Variants in CPNE1 observed in about 807,000 individuals in gnomAD.
CPNE1 encodes the protein copine 1.
In CPNE1, 58 loss-of-function variants were observed where a neutral mutation model predicts 63.2. That is an observed-to-expected ratio of 0.92 (90% CI 0.74 to 1.14). The LOEUF is 1.14. CPNE1 is among the 50% of genes most tolerant of loss of function. The pLI, the probability that CPNE1 is intolerant of heterozygous loss-of-function variation, is 0.00. For synonymous variants in CPNE1, 237 were observed against 249.0 expected (o/e 0.95, Z 0.45); for missense variants, 672 against 661.7 (o/e 1.02, Z -0.17).
chr20:35,648,157 A>C (rs1288193761), intron 1 of CPNE1, among the ~76,000 whole-genome samples: 10 of 152,186 alleles, frequency 6.6e-5, no homozygotes, highest in Non-Finnish European at 1.2e-4. Context: ...AGTCACTGTA[A>C]CATCAGAGAA....
chr20:35,657,785 G>A (rs2033985988), intron 1 of CPNE1, among the ~76,000 whole-genome samples: 1 of 152,184 alleles, frequency 6.6e-6, no homozygotes, highest in Admixed American at 6.5e-5. Flanking sequence ...CCGCAGCCAG[G>A]TGCGGTGGCT....
chr20:35,659,605 A>C (rs976046016), intron 1 of CPNE1, among the ~76,000 whole-genome samples: 1 of 152,252 alleles, frequency 6.6e-6, no homozygotes, highest in African/African-American at 2.4e-5. Flanking sequence ...CAAAATATTA[A>C]GGGAAAGTGT....
intron 1 of CPNE1, among the ~76,000 whole-genome samples, chr20:35,636,190 T>C (rs1052780030): frequency 1.3e-5 from 2 of 152,166 alleles, no homozygotes; most frequent in Non-Finnish European, 2.9e-5. Context: ...CTTCTGACCA[T>C]CCTGATCACT....
chr20:35,658,568 G>A (rs1443875328), intron 1 of CPNE1, among the ~76,000 whole-genome samples: 1 of 152,052 alleles, frequency 6.6e-6, no homozygotes, highest in East Asian at 1.9e-4. Flanking sequence ...AGACCAGCCT[G>A]GCCAAGAGGA....
intron 1 of CPNE1, among the ~76,000 whole-genome samples, chr20:35,659,823 A>C (rs1425301189): frequency 2.0e-5 from 3 of 152,354 alleles, no homozygotes; most frequent in Admixed American, 2.0e-4. Context: ...ATGTCTAGAC[A>C]ACTATATTCA....
intron 13 of CPNE1, 31 bp downstream of exon 13, chr20:35,630,408 G>A: frequency 6.2e-7 from 1 of 1,604,098 alleles, no homozygotes; most frequent in Non-Finnish European, 8.5e-7. Flanking sequence ...TGTGTGGACA[G>A]ACCTGCCTCA....
At chr20:35,651,953 A>T (rs1365845597) in intron 1 of CPNE1, 1 of 152,568 alleles carries the variant, frequency 6.6e-6, no homozygotes, top group Non-Finnish European at 1.5e-5. Flanking sequence ...CAAACAAAGC[A>T]GCAACTTCTG....
intron 1 of CPNE1, among the ~76,000 whole-genome samples, chr20:35,634,052 GA>G (rs1167825729): frequency 3.3e-5 from 5 of 151,614 alleles, no homozygotes; most frequent in African/African-American, 1.2e-4. Context: ...ACGAGGTCAG[GA>G]GATCGAGACC....
intron 1 of CPNE1, among the ~76,000 whole-genome samples, chr20:35,637,761 C>T (rs979867287): frequency 1.3e-5 from 2 of 152,162 alleles, no homozygotes; most frequent in Non-Finnish European, 2.9e-5. Context: ...TAAGATAAAA[C>T]CCAAAGTTCT....
At chr20:35,653,553 A>T in intron 1 of CPNE1, 1 of 1,614,222 alleles carries the variant, frequency 6.2e-7, no homozygotes, top group Non-Finnish European at 8.5e-7. Flanking sequence ...TTTTAAACTG[A>T]ACCAATGCCT....
intron 1 of CPNE1, among the ~76,000 whole-genome samples, chr20:35,661,822 A>G (rs1487370296): frequency 6.6e-6 from 1 of 152,226 alleles, no homozygotes; most frequent in Non-Finnish European, 1.5e-5. Context: ...CCAAAAGTGA[A>G]CTTTAACTTT....
intron 1 of CPNE1, among the ~76,000 whole-genome samples, chr20:35,645,885 T>C (rs894300617): frequency 1.3e-5 from 2 of 151,998 alleles, no homozygotes; most frequent in African/African-American, 4.8e-5. Context: ...AACTTCCAAG[T>C]GGGATCACAG....
In CPNE1 at chr20:35,631,156, G is replaced by T. The variant is rs1290882693; in HGVS notation, c.819C>A (p.Ser273=). 2 of 1,614,142 alleles carry T rather than the reference G, an allele frequency of 1.2e-6. No homozygotes were observed. Among genetic ancestry groups the T allele is most frequent in the Non-Finnish European group, 8.5e-7 (1 of 1,180,018 alleles). The change falls in exon 10 of 16, where the codon TCC becomes TCA. Residue 273 remains serine (S), a synonymous_variant. Transcript: ENST00000397443. ...VKICRVETEY[S]FLDYVMGGCQ... ...AGCCTCCCATCACATAGTCCAGAAA[G>T]GAGTACTCTGTTTCTACCTGCAAAT...
chr20:35,656,620 C>T (rs2033912899), intron 1 of CPNE1, among the ~76,000 whole-genome samples: 1 of 152,180 alleles, frequency 6.6e-6, no homozygotes, highest in South Asian at 2.1e-4. Context: ...CGGCAACCTC[C>T]ACCTCCCAGG....
At chr20:35,629,655 A>AT (rs770387616) in intron 13 of CPNE1, among the ~76,000 whole-genome samples, 6,687 of 140,888 alleles carry the variant, frequency 0.047, 204 homozygotes, top group Non-Finnish European at 0.061. Flanking sequence ...ATGTGGCATC[A>AT]TTTTTTTTTT....
At chr20:35,654,044 CAT>C in intron 1 of CPNE1, 1 of 1,614,192 alleles carries the variant, frequency 6.2e-7, no homozygotes, top group Non-Finnish European at 8.5e-7. Flanking sequence ...AAACCAGCCT[CAT>C]GTGGTGATCT....
At chr20:35,641,417 C>A (rs2032798828) in intron 1 of CPNE1, among the ~76,000 whole-genome samples, 1 of 152,120 alleles carries the variant, frequency 6.6e-6, no homozygotes, top group South Asian at 2.1e-4. Context: ...AGTGACCAGG[C>A]TCCAAATACT....
Position 35,657,577 on chromosome 20 carries a change from T to C in CPNE1, c.-1+7183A>G, listed in dbSNP as rs1271664178. 2.6e-5 allele frequency among the ~76,000 whole-genome samples: 4 copies of C among 152,298 alleles called. No individual in the cohort carries two copies. In the East Asian group the frequency reaches 7.7e-4, roughly 29 times the overall value. ...TAAAGTGACATACACAGTTAAGTCT[T>C]CAAGCCATTTTCTGTTAAGAGCAGG... On this transcript the variant is annotated intron_variant, in intron 1 of 15. Coordinates refer to ENST00000397443, the MANE Select transcript of CPNE1 (RefSeq NM_152925.3).
At position 35,626,451 on chromosome 20, in the gene CPNE1, A is replaced by G. The variant is rs2031747930; in HGVS notation, c.1474-70T>C. The G allele has an allele frequency of 2.5e-6, 4 of 1,601,052 alleles. No homozygotes were observed. The Admixed American group carries it at 6.7e-5, about 27-fold the overall frequency. ...CCAAAGTCTGTATTTCATGCTCAAGAACCCAACCATATCCCAGGCTTAGAG... is the reference window on the plus strand; with the variant it reads ...CCAAAGTCTGTATTTCATGCTCAAGGACCCAACCATATCCCAGGCTTAGAG... On this transcript the variant is annotated intron_variant, in intron 15 of 15. Coordinates refer to ENST00000397443, the MANE Select transcript of CPNE1 (RefSeq NM_152925.3).
Sources: allele counts gnomAD v4.1 joint callset (sites outside exome capture counted in the v4.1 genomes callset), GRCh38; gene constraint gnomAD v4.1.1; transcripts MANE v1.5; gene names NCBI Gene and HGNC (gene_info 2026-07-23, HGNC 2026-07-21).